The following GPR83 variants were observed in gnomAD, a reference collection of about 807,000 sequenced individuals.
GPR83 encodes the protein G-protein coupled receptor 72.
In GPR83, 23 loss-of-function variants were observed where a neutral mutation model predicts 28.0. The ratio of observed to expected loss-of-function variants is 0.82; its 90% CI spans 0.59 to 1.16. The LOEUF is 1.16. Ranked by LOEUF, GPR83 falls within the 50% of genes most tolerant of loss-of-function variation. GPR83 has a pLI of 0.00. For synonymous variants in GPR83, 234 were observed against 215.4 expected, an observed-to-expected ratio of 1.09 and a Z score of -0.76; for missense variants, 610 against 536.6, an observed-to-expected ratio of 1.14 and a Z score of -1.35.
chr11:94,391,051 T>A (rs1363047946), intron 3 of GPR83, among the ~76,000 whole-genome samples: 2 of 152,172 alleles, frequency 1.3e-5, no homozygotes, highest in East Asian at 3.9e-4. Context: ...GCTAGAGGCA[T>A]CACGCTACCT....
chr11:94,391,654 T>C (rs1280231806), intron 3 of GPR83, among the ~76,000 whole-genome samples: 1 of 152,120 alleles, frequency 6.6e-6, no homozygotes, highest in South Asian at 2.1e-4. Flanking sequence ...CATCAACAAG[T>C]GGGCAAAGGA....
rs770532294 is a variant in GPR83, at chr11:94,380,676, T to C, written c.745A>G (p.Ile249Val). The change falls in exon 4 of 4, where the codon ATC becomes GTC. Residue 249 changes from isoleucine (I) to valine (V), a missense_variant. Ile to Val is a conservative substitution (Grantham distance 29). Coordinates refer to ENST00000243673, the MANE Select transcript of GPR83 (RefSeq NM_016540.4). ...LDLATFILLY[I>V]LPLLIISVAY... Reference sequence around the variant, plus strand: ...ACAGAGATGATGAGGAGGGGCAGGATGTAGAGCAGGATGAAGGTGGCCAAG... The same window carrying C: ...ACAGAGATGATGAGGAGGGGCAGGACGTAGAGCAGGATGAAGGTGGCCAAG... The C allele has an allele frequency of 6.2e-6, 10 of 1,612,858 alleles. No individual in the cohort carries two copies. The highest frequency in any genetic ancestry group is 4.4e-5 in the South Asian group (4 of 90,934).
At chr11:94,390,332 A>G (rs921262360) in intron 3 of GPR83, among the ~76,000 whole-genome samples, 3 of 152,146 alleles carry the variant, frequency 2.0e-5, no homozygotes, top group African/African-American at 4.8e-5. Flanking sequence ...AGAAAAAAAA[A>G]AGAAAGATTT....
intron 1 of GPR83, among the ~76,000 whole-genome samples, chr11:94,397,375 C>T (rs1044541076): frequency 1.3e-5 from 2 of 152,136 alleles, no homozygotes; most frequent in Admixed American, 1.3e-4. Flanking sequence ...GAGGCGGGCT[C>T]AACTCAAGTG....
At chr11:94,386,590 A>G (rs908803943) in intron 3 of GPR83, among the ~76,000 whole-genome samples, 12 of 152,336 alleles carry the variant, frequency 7.9e-5, no homozygotes, top group South Asian at 4.2e-4. Flanking sequence ...AGGCCATTAC[A>G]TAATGGTAAA....
intron 2 of GPR83, among the ~76,000 whole-genome samples, 185 bp from the exon 3 acceptor site, chr11:94,393,803 T>TA (rs890750506): frequency 1.3e-5 from 2 of 151,856 alleles, no homozygotes; most frequent in African/African-American, 4.8e-5. Context: ...TCTATATATT[T>TA]AAAAAAATGA....
chr11:94,381,187 T>G (rs764665387), intron 3 of GPR83, among the ~76,000 whole-genome samples: 72 of 152,334 alleles, frequency 4.7e-4, no homozygotes, highest in Admixed American at 1.9e-3. Context: ...AAATGATGGA[T>G]CTTGAGCATA....
At chr11:94,383,852 A>G (rs1284239625) in intron 3 of GPR83, among the ~76,000 whole-genome samples, 1 of 152,196 alleles carries the variant, frequency 6.6e-6, no homozygotes, top group Non-Finnish European at 1.5e-5. Flanking sequence ...TAGCCTACCA[A>G]CCAAAAAAAG....
At position 94,380,542 on chromosome 11, in the gene GPR83, C is replaced by G. The variant is rs540346741; in HGVS notation, c.879G>C (p.Met293Ile). The G allele has an allele frequency of 6.2e-7, 1 of 1,614,156 alleles. No homozygotes were observed. Among genetic ancestry groups the G allele is most frequent in the Admixed American group, 1.7e-5 (1 of 60,018 alleles). Residue 293 changes from methionine (M) to isoleucine (I), a missense_variant, in exon 4 of 4, where the codon ATG (methionine) becomes ATC (isoleucine). By Grantham distance (10) the Met-to-Ile change is conservative. Coordinates refer to ENST00000243673, the MANE Select transcript of GPR83 (RefSeq NM_016540.4). ...LRRKKKKTIK[M>I]LMLVVVLFAL... ...CAAAGAGGACTACCACCAGCATCAA[C>G]ATCTTGATGGTCTTCTTCTTTTTGC...
chr11:94,390,440 C>G (rs1483080941), intron 3 of GPR83, among the ~76,000 whole-genome samples: 2 of 152,154 alleles, frequency 1.3e-5, no homozygotes, highest in African/African-American at 4.8e-5. Context: ...TCTCACCACT[C>G]CTATTCAACG....
intron 3 of GPR83, among the ~76,000 whole-genome samples, chr11:94,389,287 C>A (rs1403712158): frequency 6.6e-6 from 1 of 152,192 alleles, no homozygotes; most frequent in African/African-American, 2.4e-5. Flanking sequence ...GTCTAAAACA[C>A]CAAAAGCAAC....
intron 1 of GPR83, among the ~76,000 whole-genome samples, chr11:94,397,093 G>T (rs552824602): frequency 1.3e-5 from 2 of 152,280 alleles, no homozygotes; most frequent in South Asian, 4.1e-4. Flanking sequence ...AACATAGCAT[G>T]TGGGCTGTGC....
At chr11:94,395,517 A>G (rs1944857559) in intron 2 of GPR83, among the ~76,000 whole-genome samples, 1 of 152,208 alleles carries the variant, frequency 6.6e-6, no homozygotes, top group South Asian at 2.1e-4. Flanking sequence ...TCACAGGCAC[A>G]TGATCTCGGA....
At chr11:94,391,477 A>T (rs1434889721) in intron 3 of GPR83, among the ~76,000 whole-genome samples, 1 of 152,210 alleles carries the variant, frequency 6.6e-6, no homozygotes, top group African/African-American at 2.4e-5. Context: ...AATGGGATCT[A>T]ATTAAACTAA....
In GPR83 at chr11:94,380,291, G is replaced by C; in HGVS notation, c.1130C>G (p.Pro377Arg). Residue 377 changes from proline (P) to arginine (R), a missense_variant, in exon 4 of 4, where the codon CCA (proline) becomes CGA (arginine). By Grantham distance (103) the Pro-to-Arg change is moderately radical. Coordinates refer to ENST00000243673, the MANE Select transcript of GPR83 (RefSeq NM_016540.4). Reference sequence around the variant, plus strand: ...CCAGGCCACCCTGAAGGAAGGAACTGGGGAGGGTGGCCTGTCCTCCTGAGG... The same window carrying C: ...CCAGGCCACCCTGAAGGAAGGAACTCGGGAGGGTGGCCTGTCCTCCTGAGG... The part of the protein sequence containing the change: ...PKPQEDRPPS[P>R]VPSFRVAWTE... 1.3e-6 allele frequency: 2 copies of C among 1,596,372 alleles called. No individual in the cohort carries two copies. Among genetic ancestry groups the C allele is most frequent in the East Asian group, 2.2e-5 (1 of 44,758 alleles).
intron 3 of GPR83, among the ~76,000 whole-genome samples, chr11:94,388,315 C>T (rs1459067072): frequency 6.6e-6 from 1 of 152,182 alleles, no homozygotes; most frequent in African/African-American, 2.4e-5. Flanking sequence ...GTTGGAAGTT[C>T]TGGCCAGGGC....
chr11:94,385,730 T>A (rs1457065977), intron 3 of GPR83, among the ~76,000 whole-genome samples: 2 of 152,182 alleles, frequency 1.3e-5, no homozygotes, highest in Non-Finnish European at 2.9e-5. Context: ...GATTGGTGTA[T>A]CTGAAAGTGA....
Position 94,401,312 on chromosome 11 carries a change from G to C in GPR83, c.-65C>G. The C allele has an allele frequency of 2.0e-6, 3 of 1,464,460 alleles. No individual in the cohort carries two copies. The highest frequency in any genetic ancestry group is 2.7e-6 in the Non-Finnish European group (3 of 1,105,796). The allele number at this position is 1,464,460 out of a possible 1,614,324, so 90.7% of individuals were successfully genotyped here. On this transcript the variant is annotated 5_prime_UTR_variant, in exon 1 of 4. Transcript: ENST00000243673. ...GGCGTCCCCTCCCGCTGGGATCGGA[G>C]CGCGCAGCCGGGGTGCGGGGCGCAC...
chr11:94,383,592 C>A (rs892161688), intron 3 of GPR83, among the ~76,000 whole-genome samples: 1 of 151,762 alleles, frequency 6.6e-6, no homozygotes, highest in African/African-American at 2.4e-5. Context: ...CACTAGAAGA[C>A]TAATAAAGAA....
Sources: allele counts gnomAD v4.1 joint callset (sites outside exome capture counted in the v4.1 genomes callset), GRCh38; gene constraint gnomAD v4.1.1; transcripts MANE v1.5; gene names NCBI Gene and HGNC (gene_info 2026-07-23, HGNC 2026-07-21).